Variants in CACNA2D1 observed in about 807,000 individuals in gnomAD.
CACNA2D1 encodes the protein calcium voltage-gated channel auxiliary subunit alpha2delta 1, also known as voltage-dependent calcium channel subunit alpha-2/delta-1.
In CACNA2D1, 53 loss-of-function variants were observed where a neutral mutation model predicts 171.5. The ratio of observed to expected loss-of-function variants is 0.31; its 90% CI spans 0.25 to 0.39. The LOEUF (loss-of-function observed/expected upper bound fraction) is 0.39, where lower values mean the gene tolerates loss of function less well. CACNA2D1 is among the 10% of genes least tolerant of loss of function. The pLI is 1.00. For synonymous variants in CACNA2D1, 442 were observed against 443.1 expected, an observed-to-expected ratio of 1.00 and a Z score of 0.03; for missense variants, 903 against 1,299.8, an observed-to-expected ratio of 0.69 and a Z score of 4.69.
intron 4 of CACNA2D1, among the ~76,000 whole-genome samples, chr7:82,169,656 G>A (rs910008782): frequency 2.0e-5 from 3 of 151,912 alleles, no homozygotes; most frequent in African/African-American, 7.2e-5. Context: ...TGAGACTTTT[G>A]CTTTGCAAAG....
Position 82,200,832 on chromosome 7 carries a change from T to G in CACNA2D1, c.295-30223A>C, listed in dbSNP as rs577886295. The stretch of plus-strand genomic sequence containing the variant: ...TTTAGAAATGTGAAGCTGTTTAACA[T>G]ATCTAACTGAAGCCAATTACACAAG... On this transcript the variant is annotated intron_variant, in intron 3 of 38. Transcript: ENST00000356860. 4.6e-5 allele frequency among the ~76,000 whole-genome samples: 7 copies of G among 152,324 alleles called. No homozygotes were observed. The South Asian group carries it at 1.4e-3, about 32-fold the overall frequency.
chr7:82,296,222 C>G (rs1287865489), intron 3 of CACNA2D1, among the ~76,000 whole-genome samples: 8 of 151,482 alleles, frequency 5.3e-5, no homozygotes, highest in Admixed American at 5.3e-4. Context: ...AACTAACCTG[C>G]ACATTGTGCA....
At chr7:82,077,946 G>A (rs1169949110) in intron 7 of CACNA2D1, among the ~76,000 whole-genome samples, 1 of 151,980 alleles carries the variant, frequency 6.6e-6, no homozygotes, top group Non-Finnish European at 1.5e-5. Context: ...GCTATTTGAT[G>A]CTTAAAATAT....
chr7:82,353,596 G>A (rs1170048841), intron 1 of CACNA2D1, among the ~76,000 whole-genome samples: 1 of 151,900 alleles, frequency 6.6e-6, no homozygotes, highest in Non-Finnish European at 1.5e-5. Context: ...TACATTTAAA[G>A]AACAAATAGA....
intron 3 of CACNA2D1, among the ~76,000 whole-genome samples, chr7:82,245,641 GTCTC>G (rs151115597): frequency 9.9e-4 from 147 of 148,166 alleles, no homozygotes; most frequent in Middle Eastern, 3.4e-3. Flanking sequence ...CACACAAAAT[GTCTC>G]TCTCTCTCTC....
At chr7:82,233,741 G>A (rs376705820) in intron 3 of CACNA2D1, among the ~76,000 whole-genome samples, 62 of 151,952 alleles carry the variant, frequency 4.1e-4, no homozygotes, top group African/African-American at 1.4e-3. Flanking sequence ...AAAACAACTC[G>A]CAGAGAGTAG....
chr7:82,164,743 T>C (rs1331210840), intron 4 of CACNA2D1, among the ~76,000 whole-genome samples: 1 of 151,966 alleles, frequency 6.6e-6, no homozygotes, highest in African/African-American at 2.4e-5. Context: ...TGGATGGAAA[T>C]ACGTATATGG....
At chr7:82,265,581 A>T (rs1381586127) in intron 3 of CACNA2D1, among the ~76,000 whole-genome samples, 2 of 151,834 alleles carry the variant, frequency 1.3e-5, no homozygotes, top group Non-Finnish European at 2.9e-5. Flanking sequence ...AGTTGATTTA[A>T]TCTGCTCTGA....
intron 2 of CACNA2D1, among the ~76,000 whole-genome samples, chr7:82,339,356 C>T (rs1249646164): frequency 6.6e-6 from 1 of 152,142 alleles, no homozygotes; most frequent in African/African-American, 2.4e-5. Context: ...AATACTTGCA[C>T]CTGTACTTTC....
intron 3 of CACNA2D1, among the ~76,000 whole-genome samples, chr7:82,283,726 G>T (rs537943867): frequency 6.6e-6 from 1 of 151,844 alleles, no homozygotes; most frequent in African/African-American, 2.4e-5. Context: ...ATTGCATAAG[G>T]GAAAAATAGC....
rs1315285681 is a variant in CACNA2D1 at position 82,007,666 on chromosome 7, AT to A, written c.1440+12del. On this transcript the variant is annotated intron_variant, in intron 16 of 38. Transcript: ENST00000356860. ...TCATTTATTATTATTAATTTTATCA[AT>A]TAACTTTTAACCTTTAAGTTTGTCT... The A allele has an allele frequency of 7.4e-7, 1 of 1,351,482 alleles. No homozygotes were observed. The highest frequency in any genetic ancestry group is 1.1e-6 in the Non-Finnish European group (1 of 945,348). 83.7% of individuals were successfully genotyped at this position (1,351,482 alleles called of 1,614,324 possible). A position where few individuals can be genotyped will look rare whatever the true frequency, so the allele number is the denominator to read the frequency against.
intron 6 of CACNA2D1, among the ~76,000 whole-genome samples, chr7:82,113,066 G>A (rs571911254): frequency 3.6e-4 from 55 of 152,144 alleles, no homozygotes; most frequent in Admixed American, 2.6e-4. Context: ...CTTCTAAAAC[G>A]TAAATAATAA....
At chr7:82,109,326 T>A (rs942588278) in intron 6 of CACNA2D1, among the ~76,000 whole-genome samples, 1 of 152,170 alleles carries the variant, frequency 6.6e-6, no homozygotes, top group African/African-American at 2.4e-5. Context: ...GTGATCCAGA[T>A]TCACACTTGT....
intron 12 of CACNA2D1, among the ~76,000 whole-genome samples, chr7:82,015,415 AACATGC>A (rs1800328366): frequency 6.6e-6 from 1 of 152,202 alleles, no homozygotes; most frequent in African/African-American, 2.4e-5. Context: ...GACTGTTCCT[AACATGC>A]TATAAAGTAT....
rs557983827 is a variant in CACNA2D1, at chr7:82,306,281, C to A, written c.294+28854G>T. On this transcript the variant is annotated intron_variant, in intron 3 of 38. Coordinates refer to ENST00000356860, the MANE Select transcript of CACNA2D1 (RefSeq NM_000722.4). ...GTAGCCAGCGTGAAAGAAGTGAGAA[C>A]CCTAAGACAAGTAAGATTTTAAGCA... Among the ~76,000 whole-genome samples, 22 of 152,158 alleles carry A rather than the reference C, an allele frequency of 1.4e-4. No individual in the cohort carries two copies. In the South Asian group the frequency reaches 3.5e-3, roughly 24 times the overall value.
chr7:82,233,295 T>G (rs918234630), intron 3 of CACNA2D1, among the ~76,000 whole-genome samples: 1 of 152,242 alleles, frequency 6.6e-6, no homozygotes, highest in Admixed American at 6.5e-5. Flanking sequence ...AAATATTATT[T>G]TCCTCTTTTT....
chr7:82,276,163 C>T (rs1379061990), intron 3 of CACNA2D1, among the ~76,000 whole-genome samples: 1 of 152,108 alleles, frequency 6.6e-6, no homozygotes. Context: ...ATTAGATAAA[C>T]TTTATAGTGG....
At chr7:81,954,280 T>A (rs1792952768) in intron 38 of CACNA2D1, among the ~76,000 whole-genome samples, 1 of 151,932 alleles carries the variant, frequency 6.6e-6, no homozygotes, top group African/African-American at 2.4e-5. Context: ...AACATTAAAA[T>A]GGAAAAAGAA....
At chr7:81,959,880 A>G (rs748456425) in intron 36 of CACNA2D1, 51 bp from the exon 37 acceptor site, 19 of 1,580,132 alleles carry the variant, frequency 1.2e-5, no homozygotes, top group Non-Finnish European at 1.6e-5. Context: ...TCCAAAATAA[A>G]TGGAAATCTT....
Sources: gnomAD v4.1 joint callset for allele counts (sites outside exome capture counted in the v4.1 genomes callset) on GRCh38, gnomAD v4.1.1 for gene constraint, MANE v1.5 for transcripts, NCBI Gene and HGNC (gene_info 2026-07-23, HGNC 2026-07-21) for gene names.